The following ATP8A2 variants were observed in gnomAD, a reference collection of about 807,000 sequenced individuals.
ATP8A2 encodes the protein ATPase phospholipid transporting 8A2.
A neutral mutation model predicts 165.6 loss-of-function variants in ATP8A2; 100 were observed. The ratio of observed to expected loss-of-function variants is 0.60; its 90% CI spans 0.51 to 0.71. The LOEUF is 0.71. Ranked by LOEUF, ATP8A2 falls within the 30% of genes least tolerant of loss-of-function variation. ATP8A2 has a pLI of 0.00. For synonymous variants in ATP8A2, 543 were observed against 548.8 expected (o/e 0.99, Z 0.15); for missense variants, 1,227 against 1,479.5 (o/e 0.83, Z 2.80).
intron 27 of ATP8A2, among the ~76,000 whole-genome samples, chr13:25,778,050 G>A (rs1015610525): frequency 1.3e-5 from 2 of 152,138 alleles, no homozygotes; most frequent in Admixed American, 6.5e-5. Flanking sequence ...AGTGTATTCT[G>A]GAGACCATTC....
chr13:25,918,144 A>G (rs1954324090), intron 33 of ATP8A2, among the ~76,000 whole-genome samples: 1 of 152,244 alleles, frequency 6.6e-6, no homozygotes, highest in Admixed American at 6.5e-5. Flanking sequence ...GCTGACTGCC[A>G]GATAAGGAGC....
chr13:25,606,426 A>G (rs1014373013), intron 24 of ATP8A2, among the ~76,000 whole-genome samples: 2 of 152,236 alleles, frequency 1.3e-5, no homozygotes, highest in Non-Finnish European at 2.9e-5. Context: ...AGCCTACTCT[A>G]TAAGTTGGAA....
chr13:25,891,304 G>T (rs1430658072), intron 33 of ATP8A2, among the ~76,000 whole-genome samples: 1 of 151,498 alleles, frequency 6.6e-6, no homozygotes, highest in Non-Finnish European at 1.5e-5. Context: ...CAGGTTGCTT[G>T]TTAGACCTGA....
At chr13:25,543,504 C>T (rs1432263459) in intron 10 of ATP8A2, 102 bp downstream of exon 10, 2 of 708,632 alleles carry the variant, frequency 2.8e-6, no homozygotes, top group Non-Finnish European at 4.7e-6. Flanking sequence ...TCAAATTTGT[C>T]TATGAACCTA....
At chr13:25,693,928 G>T (rs757760279) in intron 24 of ATP8A2, among the ~76,000 whole-genome samples, 1 of 152,140 alleles carries the variant, frequency 6.6e-6, no homozygotes. Flanking sequence ...GCAGTGGCAC[G>T]ATCTTGACTC....
chr13:25,446,009 A>G (rs1435654856), intron 1 of ATP8A2, among the ~76,000 whole-genome samples: 4 of 152,194 alleles, frequency 2.6e-5, no homozygotes, highest in Non-Finnish European at 4.4e-5. Flanking sequence ...ATTGCTGTAA[A>G]TGATAGCGTG....
At chr13:25,937,417 A>G (rs306404) in intron 33 of ATP8A2, among the ~76,000 whole-genome samples, 3,378 of 125,938 alleles carry the variant, frequency 0.027, 148 homozygotes, top group African/African-American at 0.095. Flanking sequence ...GTGTTTGGAA[A>G]AATGAAAGAA....
chr13:25,616,480 C>T (rs983140020), intron 24 of ATP8A2, among the ~76,000 whole-genome samples: 5 of 151,728 alleles, frequency 3.3e-5, no homozygotes, highest in South Asian at 2.1e-4. Flanking sequence ...TACAGGCACC[C>T]GCCACCATGC....
At chr13:25,758,465 C>T (rs750837304) in intron 25 of ATP8A2, among the ~76,000 whole-genome samples, 15 of 152,128 alleles carry the variant, frequency 9.9e-5, no homozygotes, top group Admixed American at 3.3e-4. Flanking sequence ...AGACTTTGTC[C>T]AAGGAAGTGC....
Position 25,779,389 on chromosome 13 carries a change from G to A in ATP8A2, c.2679+4430G>A, listed in dbSNP as rs1480767495. On this transcript the variant is annotated intron_variant, in intron 27 of 36. Coordinates refer to ENST00000381655, the MANE Select transcript of ATP8A2 (RefSeq NM_016529.6). Reference sequence around the variant, plus strand: ...AGCCTTGCAGGGCAGCCAGCTGGGAGTGGGGTTGGGGTGGGTGGGGCAGGG... The same window carrying A: ...AGCCTTGCAGGGCAGCCAGCTGGGAATGGGGTTGGGGTGGGTGGGGCAGGG... 3.3e-5 allele frequency among the ~76,000 whole-genome samples: 5 copies of A among 150,732 alleles called. No individual in the cohort carries two copies. The East Asian group carries it at 9.8e-4, about 30-fold the overall frequency.
chr13:25,390,827 A>G (rs2033217902), intron 1 of ATP8A2, among the ~76,000 whole-genome samples: 1 of 151,900 alleles, frequency 6.6e-6, no homozygotes, highest in Non-Finnish European at 1.5e-5. Flanking sequence ...CTACTCAGGG[A>G]GACAGGAGAA....
At chr13:25,540,279 G>A (rs1422610089) in intron 7 of ATP8A2, 40 bp from the exon 8 acceptor site, 1 of 1,444,664 alleles carries the variant, frequency 6.9e-7, no homozygotes, top group East Asian at 2.3e-5. Flanking sequence ...TTTGTGGAAA[G>A]GACCTTATGA....
intron 2 of ATP8A2, among the ~76,000 whole-genome samples, chr13:25,525,220 T>C (rs1309079643): frequency 6.6e-6 from 1 of 152,136 alleles, no homozygotes; most frequent in Non-Finnish European, 1.5e-5. Context: ...ATTGATTTTT[T>C]TGTTACCTCA....
chr13:25,530,180 A>G, intron 3 of ATP8A2, 82 bp downstream of exon 3: 2 of 842,186 alleles, frequency 2.4e-6, no homozygotes, highest in South Asian at 3.0e-5. Context: ...TAACTGCTAA[A>G]GTGTTATAAT....
intron 25 of ATP8A2, among the ~76,000 whole-genome samples, chr13:25,729,187 A>G (rs2043560613): frequency 6.6e-6 from 1 of 151,828 alleles, no homozygotes; most frequent in Non-Finnish European, 1.5e-5. Flanking sequence ...TGCTTCTGTT[A>G]GTTCCCCTGT....
At chr13:25,916,604 C>T (rs962394408) in intron 33 of ATP8A2, among the ~76,000 whole-genome samples, 3 of 152,154 alleles carry the variant, frequency 2.0e-5, no homozygotes, top group African/African-American at 7.2e-5. Flanking sequence ...GTTTGATGTA[C>T]GTGGTCCAGC....
chr13:25,571,696 A>G lies in ATP8A2; in HGVS notation c.1662+4A>G, dbSNP rs755465949. The G allele has an allele frequency of 1.2e-6, 2 of 1,612,986 alleles. No individual in the cohort carries two copies. Among genetic ancestry groups the G allele is most frequent in the Non-Finnish European group, 1.7e-6 (2 of 1,178,920 alleles). On this transcript the variant is annotated splice_donor_region_variant and intron_variant, in intron 18 of 36. Coordinates refer to ENST00000381655, the MANE Select transcript of ATP8A2 (RefSeq NM_016529.6). ...ATTCTCAGTCATCATAGAAGCGGTGAGTAACATGCGTGTGCACATTTCAGA... is the reference window on the plus strand; with the variant it reads ...ATTCTCAGTCATCATAGAAGCGGTGGGTAACATGCGTGTGCACATTTCAGA...
intron 1 of ATP8A2, among the ~76,000 whole-genome samples, chr13:25,387,481 A>C (rs2137954618): frequency 6.6e-6 from 1 of 152,020 alleles, no homozygotes; most frequent in South Asian, 2.1e-4. Context: ...GCCTGGGTTT[A>C]ATGGTGGTCC....
chr13:25,459,940 G>A (rs547122949), intron 1 of ATP8A2, among the ~76,000 whole-genome samples: 9 of 152,286 alleles, frequency 5.9e-5, no homozygotes, highest in South Asian at 2.1e-4. Flanking sequence ...AGTGGCTCAC[G>A]CCTGTAATCC....
Sources: allele counts gnomAD v4.1 joint callset (sites outside exome capture counted in the v4.1 genomes callset), GRCh38; gene constraint gnomAD v4.1.1; transcripts MANE v1.5; gene names NCBI Gene and HGNC (gene_info 2026-07-23, HGNC 2026-07-21).